The following RUNX1 variants were observed in gnomAD, a reference collection of about 807,000 sequenced individuals.
RUNX1 encodes the protein RUNX family transcription factor 1.
RUNX1 carries 19 observed loss-of-function variants against 42.8 expected under a neutral mutation model. That is an observed-to-expected ratio of 0.44 (90% CI 0.31 to 0.65). RUNX1 has a LOEUF of 0.65. RUNX1 is among the 30% of genes least tolerant of loss of function. The pLI is 0.07. For missense variants in RUNX1, 528 were observed against 672.0 expected, an observed-to-expected ratio of 0.79 and a Z score of 2.37; for synonymous variants, 271 against 289.4, an observed-to-expected ratio of 0.94 and a Z score of 0.64.
chr21:34,798,485 G>C (rs534077501), intron 8 of RUNX1, among the ~76,000 whole-genome samples: 28 of 152,016 alleles, frequency 1.8e-4, no homozygotes, highest in Non-Finnish European at 2.5e-4. Flanking sequence ...AGTTTTTCAC[G>C]CTGTTCCTCT....
At chr21:34,815,245 T>A (rs1363995426) in intron 7 of RUNX1, among the ~76,000 whole-genome samples, 2 of 152,074 alleles carry the variant, frequency 1.3e-5, no homozygotes, top group African/African-American at 4.8e-5. Context: ...TGACCCAGAC[T>A]TTTTTTTGTT....
At chr21:34,800,329 T>C (rs959987539) in intron 7 of RUNX1, among the ~76,000 whole-genome samples, 33 of 152,346 alleles carry the variant, frequency 2.2e-4, no homozygotes, top group African/African-American at 7.9e-4. Context: ...ACCAACGCTA[T>C]TCTTAGGCAA....
intron 4 of RUNX1, among the ~76,000 whole-genome samples, chr21:34,884,628 C>T (rs1305360811): frequency 1.3e-5 from 2 of 152,194 alleles, no homozygotes; most frequent in South Asian, 4.1e-4. Context: ...GTTTTGCTTG[C>T]TTTTATCCCT....
In RUNX1 at chr21:34,824,620, G is replaced by A. The variant is rs536942589; in HGVS notation, c.805+9790C>T. On this transcript the variant is annotated intron_variant, in intron 7 of 8. Coordinates refer to ENST00000675419, the MANE Select transcript of RUNX1 (RefSeq NM_001754.5). ...AAGGTCCCTGTGAGGCTAAGGCTTG[G>A]AAGGAAGAATGTAACAGGGCTGGTG... Among the ~76,000 whole-genome samples the A allele has an allele frequency of 3.3e-5, 5 of 152,332 alleles. No individual in the cohort carries two copies. The South Asian group carries it at 1.0e-3, about 32-fold the overall frequency.
chr21:35,022,445 T>C (rs1397999635), intron 2 of RUNX1, among the ~76,000 whole-genome samples: 1 of 152,234 alleles, frequency 6.6e-6, no homozygotes, highest in Non-Finnish European at 1.5e-5. Flanking sequence ...CAACCAGCTC[T>C]TCAGGATAAA....
intron 3 of RUNX1, chr21:34,887,359 G>A (rs2058013687): frequency 7.0e-7 from 1 of 1,433,998 alleles, no homozygotes; most frequent in Non-Finnish European, 9.1e-7. Context: ...CCTAGCAACC[G>A]ATTGCTTAGT....
chr21:35,039,651 T>C (rs2059343205), intron 2 of RUNX1, among the ~76,000 whole-genome samples: 1 of 152,216 alleles, frequency 6.6e-6, no homozygotes, highest in Non-Finnish European at 1.5e-5. Flanking sequence ...ATTTCTTTGT[T>C]TTGAATACAA....
intron 7 of RUNX1, among the ~76,000 whole-genome samples, chr21:34,819,205 A>T (rs1258604869): frequency 6.6e-6 from 1 of 152,200 alleles, no homozygotes; most frequent in Non-Finnish European, 1.5e-5. Flanking sequence ...TTCTGAGTGG[A>T]TCCATGTCTT....
At chr21:35,035,377 C>T (rs2059300349) in intron 2 of RUNX1, among the ~76,000 whole-genome samples, 1 of 152,148 alleles carries the variant, frequency 6.6e-6, no homozygotes, top group South Asian at 2.1e-4. Context: ...ACTCTCCTCC[C>T]CACACCCTGT....
intron 5 of RUNX1, among the ~76,000 whole-genome samples, chr21:34,878,940 C>G (rs1019571798): frequency 2.0e-5 from 3 of 152,220 alleles, no homozygotes; most frequent in African/African-American, 7.2e-5. Flanking sequence ...TGAAGACCCA[C>G]ACAGATGCAT....
At chr21:35,011,048 G>T (rs192126708) in intron 2 of RUNX1, among the ~76,000 whole-genome samples, 1 of 152,288 alleles carries the variant, frequency 6.6e-6, no homozygotes, top group Non-Finnish European at 1.5e-5. Flanking sequence ...GCTATAAATA[G>T]AATGATATCT....
At chr21:34,929,658 A>G (rs1008278524) in intron 2 of RUNX1, among the ~76,000 whole-genome samples, 3 of 152,214 alleles carry the variant, frequency 2.0e-5, no homozygotes, top group African/African-American at 7.2e-5. Context: ...TACTCAATAT[A>G]TAATTCATCT....
intron 6 of RUNX1, among the ~76,000 whole-genome samples, chr21:34,855,522 T>A (rs567659293): frequency 4.6e-5 from 7 of 152,216 alleles, no homozygotes; most frequent in South Asian, 2.1e-4. Context: ...CTGGCCAACA[T>A]GGTGAAACCC....
rs533988786 is a variant in RUNX1, at chr21:34,821,488, A to G, written c.805+12922T>C. On this transcript the variant is annotated intron_variant, in intron 7 of 8. Coordinates refer to ENST00000675419, the MANE Select transcript of RUNX1 (RefSeq NM_001754.5). The stretch of plus-strand genomic sequence containing the variant: ...CCATGTGTTAGGAACTATTATTGTT[A>G]CGACGGTTTGCAGAGGGGGAGAAGG... 21 of 1,453,192 alleles carry G rather than the reference A, an allele frequency of 1.4e-5. No individual in the cohort carries two copies. The African/African-American group carries it at 2.4e-4, about 16-fold the overall frequency. 90.0% of individuals were successfully genotyped at this position (1,453,192 alleles called of 1,614,324 possible).
chr21:34,804,951 C>T (rs1255044342), intron 7 of RUNX1, among the ~76,000 whole-genome samples: 1 of 151,998 alleles, frequency 6.6e-6, no homozygotes, highest in Non-Finnish European at 1.5e-5. Flanking sequence ...CAGGGTTTCA[C>T]CATGTTGGCT....
At chr21:34,863,340 G>C (rs371951616) in intron 5 of RUNX1, among the ~76,000 whole-genome samples, 1 of 152,184 alleles carries the variant, frequency 6.6e-6, no homozygotes, top group Non-Finnish European at 1.5e-5. Flanking sequence ...CTGACTCTGT[G>C]ATTCTAATGT....
chr21:35,000,627 G>A (rs570893871), intron 2 of RUNX1, among the ~76,000 whole-genome samples: 12 of 152,308 alleles, frequency 7.9e-5, no homozygotes, highest in Non-Finnish European at 1.6e-4. Context: ...AGTTCCGGAA[G>A]GGCAGGCAGA....
At chr21:34,848,710 C>T (rs1000814118) in intron 6 of RUNX1, among the ~76,000 whole-genome samples, 1 of 152,224 alleles carries the variant, frequency 6.6e-6, no homozygotes, top group Non-Finnish European at 1.5e-5. Flanking sequence ...GCTGGGATTA[C>T]AGGCGTGAGC....
chr21:34,821,351 A>T, intron 7 of RUNX1: 1 of 1,199,200 alleles, frequency 8.3e-7, no homozygotes. Flanking sequence ...AATATTTGAT[A>T]AAAATATATC....
Sources: allele counts gnomAD v4.1 joint callset (sites outside exome capture counted in the v4.1 genomes callset), GRCh38; gene constraint gnomAD v4.1.1; transcripts MANE v1.5; gene names NCBI Gene and HGNC (gene_info 2026-07-23, HGNC 2026-07-21).